Variants in RPF1 observed in about 807,000 individuals in gnomAD.
RPF1 encodes the protein ribosome production factor 1 homolog, also known as ribosome production factor 1.
Under a neutral mutation model 41.9 loss-of-function variants are expected in RPF1, and 34 were observed. The ratio of observed to expected loss-of-function variants is 0.81; its 90% CI spans 0.62 to 1.08. RPF1 has a LOEUF of 1.08. RPF1 is among the 50% of genes least tolerant of loss of function. The pLI, the probability that RPF1 is intolerant of heterozygous loss-of-function variation, is 0.00. For missense variants in RPF1, 425 were observed against 435.2 expected, an observed-to-expected ratio of 0.98 and a Z score of 0.21; for synonymous variants, 140 against 148.9, an observed-to-expected ratio of 0.94 and a Z score of 0.43.
chr1:84,488,420 T>C (rs1462449534), intron 3 of RPF1, among the ~76,000 whole-genome samples: 1 of 152,128 alleles, frequency 6.6e-6, no homozygotes, highest in Non-Finnish European at 1.5e-5. Flanking sequence ...TGCAATGGAT[T>C]TTTGAATAGT....
chr1:84,487,022 CAA>C (rs772393912), intron 3 of RPF1, among the ~76,000 whole-genome samples: 25 of 151,876 alleles, frequency 1.6e-4, no homozygotes, highest in Non-Finnish European at 2.8e-4. Flanking sequence ...TGAGATGACT[CAA>C]GAGTTTTTAG....
intron 2 of RPF1, among the ~76,000 whole-genome samples, chr1:84,481,624 CAAGA>C (rs111824826): frequency 0.058 from 8,831 of 152,106 alleles, 400 homozygotes; most frequent in African/African-American, 0.12. Flanking sequence ...GATAATGCAT[CAAGA>C]AAGAATTTGG....
chr1:84,488,770 A>G (rs1329729782), intron 3 of RPF1, among the ~76,000 whole-genome samples: 1 of 152,130 alleles, frequency 6.6e-6, no homozygotes, highest in Non-Finnish European at 1.5e-5. Flanking sequence ...ATGAATGTAG[A>G]ATGTTATTAG....
chr1:84,485,726 T>C (rs992512455), intron 3 of RPF1, among the ~76,000 whole-genome samples: 6 of 152,182 alleles, frequency 3.9e-5, no homozygotes, highest in South Asian at 2.1e-4. Context: ...AATTTACTGT[T>C]TTTCCCTTTG....
chr1:84,489,489 T>G (rs1401259563), intron 3 of RPF1, 144 bp from the exon 4 acceptor site: 8 of 605,818 alleles, frequency 1.3e-5, no homozygotes, highest in Non-Finnish European at 2.4e-5. Context: ...ACGTGTCCAT[T>G]AATGTCAGTC....
chr1:84,484,805 C>T (rs1681709545), intron 3 of RPF1, among the ~76,000 whole-genome samples: 1 of 151,114 alleles, frequency 6.6e-6, no homozygotes, highest in African/African-American at 2.4e-5. Context: ...CCTGCCTCAG[C>T]CTCCCAAGTA....
intron 3 of RPF1, among the ~76,000 whole-genome samples, chr1:84,485,576 A>T (rs1028507730): frequency 6.6e-6 from 1 of 152,158 alleles, no homozygotes; most frequent in Non-Finnish European, 1.5e-5. Flanking sequence ...TGGATTAGGG[A>T]GGCTAACCTG....
intron 3 of RPF1, among the ~76,000 whole-genome samples, chr1:84,484,378 T>C (rs558195880): frequency 1.3e-5 from 2 of 152,214 alleles, no homozygotes; most frequent in African/African-American, 4.8e-5. Context: ...CAATATTATC[T>C]GTTCTATAGA....
intron 2 of RPF1, 108 bp downstream of exon 2, chr1:84,481,120 G>C (rs1284300893): frequency 1.6e-6 from 1 of 624,628 alleles, no homozygotes; most frequent in East Asian, 2.8e-5. Flanking sequence ...TATTTCAGAT[G>C]TATGAAGAAA....
At chr1:84,480,209 T>C (rs1681618826) in intron 1 of RPF1, among the ~76,000 whole-genome samples, 1 of 152,184 alleles carries the variant, frequency 6.6e-6, no homozygotes, top group Admixed American at 6.5e-5. Flanking sequence ...TCATGTTCAG[T>C]GTCAAGGTGC....
At position 84,496,344 on chromosome 1, in the gene RPF1, T is replaced by C; in HGVS notation, c.982T>C (p.Tyr328His). ...SLQKGTFDSK[Y>H]GEYEWVHKPR... ...TCAGAAAGGAACCTTTGATTCTAAA[T>C]ATGGAGAGTATGAATGGGTCCATAA... is the stretch of plus-strand genomic sequence containing the variant. The change falls in exon 8 of 9, where the codon TAT becomes CAT. Residue 328 changes from tyrosine to histidine, a missense_variant. Transcript: ENST00000370654. 1 of 1,612,496 alleles carries C rather than the reference T, an allele frequency of 6.2e-7. No individual in the cohort carries two copies. The highest frequency in any genetic ancestry group is 8.5e-7 in the Non-Finnish European group (1 of 1,179,200).
At chr1:84,493,582 C>T (rs1347601205) in intron 5 of RPF1, among the ~76,000 whole-genome samples, 1 of 140,316 alleles carries the variant, frequency 7.1e-6, no homozygotes, top group East Asian at 2.0e-4. Context: ...TGAGTGAGAC[C>T]GTCTCAAAAA....
At chr1:84,484,972 A>G (rs10874447) in intron 3 of RPF1, among the ~76,000 whole-genome samples, 150,463 of 152,344 alleles carry the variant, frequency 0.99, 74,332 homozygotes, top group East Asian at 1. Context: ...GCACTTAGCC[A>G]GACCAGAAGT....
intron 3 of RPF1, among the ~76,000 whole-genome samples, chr1:84,485,390 C>T (rs1681719335): frequency 6.6e-6 from 1 of 152,162 alleles, no homozygotes; most frequent in Non-Finnish European, 1.5e-5. Context: ...TGAGCCACCC[C>T]ACCTGGCGTA....
At position 84,479,415 on chromosome 1, in the gene RPF1, C is replaced by T. The variant is rs775814802; in HGVS notation, c.134C>T (p.Ala45Val). The change falls in exon 1 of 9, where the codon GCG becomes GTG. Residue 45 changes from alanine to valine, a missense_variant. Ala to Val is a moderately conservative substitution (Grantham distance 64). Transcript: ENST00000370654. ...ATENGVQPPK[A>V]AAFPPGFSIS... ...GAAAACGGGGTCCAACCCCCGAAAG[C>T]GGCTGCCTTTCCGCCAGGCTTTAGC... 5 of 1,614,110 alleles carry T rather than the reference C, an allele frequency of 3.1e-6. No homozygotes were observed. Among genetic ancestry groups the T allele is most frequent in the Admixed American group, 1.7e-5 (1 of 60,012 alleles).
In RPF1 at chr1:84,496,236, CT is replaced by C; in HGVS notation, c.882-5del. The C allele has an allele frequency of 6.2e-7, 1 of 1,606,398 alleles. No individual in the cohort carries two copies. The highest frequency in any genetic ancestry group is 8.5e-7 in the Non-Finnish European group (1 of 1,176,910). ...TTCAGACTAATTTAACTCTTTTTGT[CT>C]TTGAAGATACATATTCAGGAGTGAA... is the stretch of plus-strand genomic sequence containing the variant. On this transcript the variant is annotated splice_region_variant and splice_polypyrimidine_tract_variant and intron_variant, in intron 7 of 8. Transcript: ENST00000370654.
chr1:84,485,347 C>T (rs1273447562), intron 3 of RPF1, among the ~76,000 whole-genome samples: 1 of 152,210 alleles, frequency 6.6e-6, no homozygotes, highest in African/African-American at 2.4e-5. Flanking sequence ...GATCCTCCCA[C>T]CTTGGCCTCC....
intron 1 of RPF1, 130 bp from the exon 2 acceptor site, chr1:84,480,826 C>G (rs1681631993): frequency 1.9e-6 from 1 of 528,986 alleles, no homozygotes; most frequent in Non-Finnish European, 3.4e-6. Flanking sequence ...CGTCCAGATG[C>G]TTATTTCAAT....
In RPF1 at chr1:84,497,410, C is replaced by T. The variant is rs969644606; in HGVS notation, c.1009-19C>T. 3.7e-6 allele frequency: 6 copies of T among 1,605,888 alleles called. No homozygotes were observed. The highest frequency in any genetic ancestry group is 2.2e-5 in the South Asian group (2 of 90,392). ...TTTGTTTTGTTTTCTTCCTCCACTC[C>T]CTTGCTTTCCACTTTCAGCCCCGGG... On this transcript the variant is annotated intron_variant, in intron 8 of 8. Coordinates refer to ENST00000370654, the MANE Select transcript of RPF1 (RefSeq NM_025065.7).
Sources: gnomAD v4.1 joint callset for allele counts (sites outside exome capture counted in the v4.1 genomes callset) on GRCh38, gnomAD v4.1.1 for gene constraint, MANE v1.5 for transcripts, NCBI Gene and HGNC (gene_info 2026-07-23, HGNC 2026-07-21) for gene names.